The following PNPLA1 variants were observed in gnomAD, a reference collection of about 807,000 sequenced individuals.
PNPLA1 encodes omega-hydroxyceramide transacylase.
Under a neutral mutation model 51.7 loss-of-function variants are expected in PNPLA1, and 36 were observed. That is an observed-to-expected ratio of 0.70 (90% CI 0.53 to 0.92). PNPLA1 has a LOEUF of 0.92. PNPLA1 is among the 40% of genes least tolerant of loss of function. PNPLA1 has a pLI of 0.00. For missense variants in PNPLA1, 658 were observed against 682.5 expected (o/e 0.96, Z 0.40); for synonymous variants, 293 against 280.1 (o/e 1.05, Z -0.46).
chr6:36,287,083 C>T (rs994622302), intron 1 of PNPLA1, among the ~76,000 whole-genome samples: 2 of 152,226 alleles, frequency 1.3e-5, no homozygotes, highest in Non-Finnish European at 2.9e-5. Context: ...CTCTCGCTGT[C>T]TATCCATCTA....
intron 1 of PNPLA1, among the ~76,000 whole-genome samples, chr6:36,280,002 T>G (rs1770227976): frequency 6.6e-6 from 1 of 151,714 alleles, no homozygotes; most frequent in Non-Finnish European, 1.5e-5. Flanking sequence ...GGTTAGGAGA[T>G]CAAGACCATC....
chr6:36,284,372 G>A (rs947607404), intron 1 of PNPLA1, among the ~76,000 whole-genome samples: 3 of 152,334 alleles, frequency 2.0e-5, no homozygotes, highest in South Asian at 2.1e-4. Context: ...GTGCTGAATA[G>A]GTCAGAGTTG....
chr6:36,251,073 G>C (rs2127311293), intron 1 of PNPLA1, among the ~76,000 whole-genome samples: 1 of 152,290 alleles, frequency 6.6e-6, no homozygotes, highest in Non-Finnish European at 1.5e-5. Context: ...AAGGCAAAGG[G>C]GCCGTTTCTA....
At chr6:36,277,189 G>A (rs187905737) in intron 1 of PNPLA1, among the ~76,000 whole-genome samples, 57 of 152,284 alleles carry the variant, frequency 3.7e-4, no homozygotes, top group East Asian at 9.6e-4. Flanking sequence ...GTCAACTGAC[G>A]TCAGGAGTTG....
At chr6:36,301,102 C>G (rs1018174787) in intron 5 of PNPLA1, among the ~76,000 whole-genome samples, 1 of 125,012 alleles carries the variant, frequency 8.0e-6, no homozygotes, top group Non-Finnish European at 1.8e-5. Flanking sequence ...CCTAGATAAA[C>G]GCCATCCCCC....
chr6:36,259,145 GAC>G (rs1296617346), intron 1 of PNPLA1, among the ~76,000 whole-genome samples: 1 of 152,156 alleles, frequency 6.6e-6, no homozygotes, highest in Non-Finnish European at 1.5e-5. Flanking sequence ...CCCTCCTAGT[GAC>G]CAAGGGAGTA....
At chr6:36,289,244 T>A (rs938994270) in intron 1 of PNPLA1, among the ~76,000 whole-genome samples, 1 of 152,198 alleles carries the variant, frequency 6.6e-6, no homozygotes, top group Non-Finnish European at 1.5e-5. Context: ...AGATCAGGCG[T>A]TCCTGGCTCT....
Position 36,282,245 on chromosome 6 carries a change from AGAAG to A in PNPLA1, c.206-9071_206-9068del, listed in dbSNP as rs1417415637. On this transcript the variant is annotated intron_variant, in intron 1 of 8. Coordinates refer to ENST00000636260, the MANE Select transcript of PNPLA1 (RefSeq NM_001374623.1). ...AGGAAGGAAGGAAGGAAAGAAAGAA[AGAAG>A]GAAAGAAAGAAAGAAAGAAAGAAAG... Among the ~76,000 whole-genome samples the A allele has an allele frequency of 2.0e-3, 165 of 81,376 alleles. 1 individual carries two copies. Among genetic ancestry groups the A allele is most frequent in the Middle Eastern group, 0.02 (3 of 152 alleles). 53.4% of individuals were successfully genotyped at this position (81,376 alleles called of 152,430 possible). A position where few individuals can be genotyped will look rare whatever the true frequency, so the allele number is the denominator to read the frequency against.
At chr6:36,249,425 G>A (rs1175466629) in intron 1 of PNPLA1, among the ~76,000 whole-genome samples, 1 of 152,194 alleles carries the variant, frequency 6.6e-6, no homozygotes, top group Non-Finnish European at 1.5e-5. Flanking sequence ...TGACCGAATT[G>A]TCCACAGGAT....
At chr6:36,298,989 G>A (rs1415789101) in intron 5 of PNPLA1, among the ~76,000 whole-genome samples, 3 of 152,098 alleles carry the variant, frequency 2.0e-5, no homozygotes, top group Non-Finnish European at 2.9e-5. Flanking sequence ...TGCCTGCCTC[G>A]GCCTCCCAAA....
rs760594841 is a variant in PNPLA1 at position 36,301,985 on chromosome 6, GCAGGC to G, written c.904_908del (p.Ala302SerfsTer33). The G allele has an allele frequency of 6.2e-6, 10 of 1,614,212 alleles. No individual in the cohort carries two copies. The highest frequency in any genetic ancestry group is 8.5e-6 in the Non-Finnish European group (10 of 1,180,036). On this transcript the variant is annotated frameshift_variant, in exon 6 of 9. Transcript: ENST00000636260. LOFTEE classifies it high-confidence loss of function. ...GCAGTCAACCAAGCCTTCGAGCACG[GCAGGC>G]CAGTCTGGAAGGAGCCACACAACCT... is the stretch of plus-strand genomic sequence containing the variant.
chr6:36,265,955 G>C (rs549888798), upstream of PNPLA1, among the ~76,000 whole-genome samples: 1 of 152,152 alleles, frequency 6.6e-6, no homozygotes. Context: ...TAAAAAGGCT[G>C]CAGCTCCCAT....
At position 36,312,690 on chromosome 6, in the gene PNPLA1, C is replaced by T. The variant is rs1039357636; in HGVS notation, c.*804C>T. 6.6e-6 allele frequency among the ~76,000 whole-genome samples: 1 copy of T among 152,210 alleles called. No individual in the cohort carries two copies. The highest frequency in any genetic ancestry group is 1.9e-4 in the East Asian group (1 of 5,202). On this transcript the variant is annotated 3_prime_UTR_variant, in exon 9 of 9. Transcript: ENST00000636260. ...GCCCTTTTGAGGACCAGGGGCAACA[C>T]CTATTCCCAGCCCCGATGGTGCACA...
At chr6:36,278,067 C>T (rs1057248320) in intron 1 of PNPLA1, among the ~76,000 whole-genome samples, 2 of 152,196 alleles carry the variant, frequency 1.3e-5, no homozygotes, top group African/African-American at 4.8e-5. Context: ...GAGAAAACCT[C>T]CTCTCCAGAC....
intron 1 of PNPLA1, among the ~76,000 whole-genome samples, chr6:36,270,969 A>T (rs1217509756): frequency 6.6e-6 from 1 of 152,104 alleles, no homozygotes; most frequent in Admixed American, 6.5e-5. Flanking sequence ...TCTCCCTCGA[A>T]CATCGAACAT....
chr6:36,302,041 A>T lies in PNPLA1; in HGVS notation c.956A>T (p.Asp319Val), dbSNP rs1187301901. The stretch of plus-strand genomic sequence containing the variant: ...CACAAGGAGTGGGTTCCCAAAGGGG[A>T]TGGAAGGGGCAGCCATGGTCCGCCT... ...QPHKEWVPKGDGRGSHGPPVS... is the reference protein window; with the variant it reads ...QPHKEWVPKGVGRGSHGPPVS... Residue 319 changes from aspartate to valine, a missense_variant, in exon 6 of 9, where the codon GAT becomes GTT. Asp to Val is a radical substitution (Grantham distance 152). Transcript: ENST00000636260. 1.9e-6 allele frequency: 3 copies of T among 1,614,164 alleles called. No individual in the cohort carries two copies. Among genetic ancestry groups the T allele is most frequent in the Non-Finnish European group, 2.5e-6 (3 of 1,180,030 alleles).
intron 1 of PNPLA1, among the ~76,000 whole-genome samples, chr6:36,287,165 A>G (rs1246583709): frequency 6.6e-6 from 1 of 152,092 alleles, no homozygotes; most frequent in Non-Finnish European, 1.5e-5. Flanking sequence ...GGGCATCTCC[A>G]TTGCTCTCAG....
At chr6:36,261,782 G>A (rs1769654627) in intron 1 of PNPLA1, among the ~76,000 whole-genome samples, 1 of 152,132 alleles carries the variant, frequency 6.6e-6, no homozygotes, top group African/African-American at 2.4e-5. Context: ...TTTGTCAAAG[G>A]TGCAACTAAC....
chr6:36,300,897 T>A (rs1771021028), intron 5 of PNPLA1, among the ~76,000 whole-genome samples: 1 of 152,220 alleles, frequency 6.6e-6, no homozygotes, highest in African/African-American at 2.4e-5. Context: ...TCTCCCTGAT[T>A]TACTTACCTA....
Sources: allele counts gnomAD v4.1 joint callset (sites outside exome capture counted in the v4.1 genomes callset), GRCh38; gene constraint gnomAD v4.1.1; transcripts MANE v1.5; gene names NCBI Gene and HGNC (gene_info 2026-07-23, HGNC 2026-07-21).